Variants in SLC1A2 observed in about 807,000 individuals in gnomAD.
The protein encoded by SLC1A2 is excitatory amino acid transporter 2.
Under a neutral mutation model 48.8 loss-of-function variants are expected in SLC1A2, and 15 were observed. The observed-to-expected ratio is 0.31, with a 90% CI of 0.21 to 0.47. The LOEUF (loss-of-function observed/expected upper bound fraction) is 0.47. Ranked by LOEUF, SLC1A2 falls within the 20% of genes least tolerant of loss-of-function variation. The pLI is 0.99. For synonymous variants in SLC1A2, 279 were observed against 272.6 expected (o/e 1.02, Z -0.23); for missense variants, 502 against 730.5 (o/e 0.69, Z 3.61).
In SLC1A2 at chr11:35,278,836, T is replaced by C. The variant is rs563004831; in HGVS notation, c.1421+2031A>G. Among the ~76,000 whole-genome samples the C allele has an allele frequency of 1.3e-4, 20 of 152,072 alleles. 1 individual carries two copies. The East Asian group carries it at 2.8e-3, about 21-fold the overall frequency. On this transcript the variant is annotated intron_variant, in intron 9 of 10. Transcript: ENST00000278379. The stretch of plus-strand genomic sequence containing the variant: ...GAGTTTGAGACCAGCCTGACCAACA[T>C]AGTGAAACCCTGTCTCTACTAAAAA...
intron 1 of SLC1A2, among the ~76,000 whole-genome samples, chr11:35,359,475 A>G (rs111548731): frequency 3.3e-5 from 5 of 152,342 alleles, no homozygotes; most frequent in African/African-American, 1.2e-4. Flanking sequence ...GACATCAAAA[A>G]CTGTCCTATC....
chr11:35,385,160 G>A (rs1240900000), intron 1 of SLC1A2, among the ~76,000 whole-genome samples: 1 of 152,170 alleles, frequency 6.6e-6, no homozygotes, highest in Non-Finnish European at 1.5e-5. Flanking sequence ...TCCCCTCACT[G>A]CATTCTAAAT....
At chr11:35,294,078 T>C (rs763553518) in intron 6 of SLC1A2, among the ~76,000 whole-genome samples, 3 of 152,198 alleles carry the variant, frequency 2.0e-5, no homozygotes, top group Non-Finnish European at 4.4e-5. Context: ...TCCTTGTAGG[T>C]TCTGTTTTCA....
intron 1 of SLC1A2, among the ~76,000 whole-genome samples, chr11:35,394,218 G>T (rs183227012): frequency 1.3e-5 from 2 of 151,954 alleles, no homozygotes; most frequent in East Asian, 3.9e-4. Context: ...TTGCAGCAAA[G>T]GCCTGAGGTC....
At chr11:35,352,401 T>C (rs1012392896) in intron 1 of SLC1A2, 1 of 152,262 alleles carries the variant, frequency 6.6e-6, no homozygotes, top group Non-Finnish European at 1.5e-5. Flanking sequence ...GAAGGTTTAA[T>C]TACCAAAAGC....
intron 1 of SLC1A2, among the ~76,000 whole-genome samples, chr11:35,412,713 A>T (rs1176202422): frequency 6.6e-6 from 1 of 152,250 alleles, no homozygotes; most frequent in Admixed American, 6.5e-5. Flanking sequence ...CTAAACAGCC[A>T]CACCTGAAGG....
At chr11:35,343,923 A>C (rs1852935789) in intron 1 of SLC1A2, among the ~76,000 whole-genome samples, 1 of 152,032 alleles carries the variant, frequency 6.6e-6, no homozygotes, top group Admixed American at 6.6e-5. Flanking sequence ...TCCCTTGAAA[A>C]CTTCTGCCTA....
At chr11:35,413,414 A>G (rs1186922620) in intron 1 of SLC1A2, among the ~76,000 whole-genome samples, 1 of 152,100 alleles carries the variant, frequency 6.6e-6, no homozygotes, top group Admixed American at 6.5e-5. Context: ...GCTAAGAGTC[A>G]CTCCTGCTGC....
chr11:35,276,201 A>G (rs1850433967), intron 9 of SLC1A2, among the ~76,000 whole-genome samples: 1 of 152,130 alleles, frequency 6.6e-6, no homozygotes, highest in Admixed American at 6.5e-5. Flanking sequence ...CATTTTACAC[A>G]TGATGTAGCT....
At chr11:35,366,014 G>T (rs1853836818) in intron 1 of SLC1A2, among the ~76,000 whole-genome samples, 1 of 152,168 alleles carries the variant, frequency 6.6e-6, no homozygotes, top group African/African-American at 2.4e-5. Context: ...CCACGGCAAA[G>T]AATTAGCCAG....
chr11:35,284,541 T>A (rs1341449447), intron 8 of SLC1A2, among the ~76,000 whole-genome samples: 1 of 116,102 alleles, frequency 8.6e-6, no homozygotes, highest in Admixed American at 8.9e-5. Context: ...CATGTTTTCA[T>A]ATTGTGTGTG....
At chr11:35,289,839 G>A (rs979004477) in intron 7 of SLC1A2, among the ~76,000 whole-genome samples, 42 of 152,306 alleles carry the variant, frequency 2.8e-4, no homozygotes, top group Middle Eastern at 3.4e-3. Flanking sequence ...AATGTCAAGT[G>A]AAGAGGAGGA....
intron 4 of SLC1A2, among the ~76,000 whole-genome samples, chr11:35,310,728 G>A (rs1851660631): frequency 6.6e-6 from 1 of 152,150 alleles, no homozygotes; most frequent in South Asian, 2.1e-4. Flanking sequence ...CGGGGTGTGC[G>A]GGATGTGTTC....
chr11:35,346,626 G>A (rs956074858), intron 1 of SLC1A2, among the ~76,000 whole-genome samples: 2 of 152,232 alleles, frequency 1.3e-5, no homozygotes, highest in Non-Finnish European at 1.5e-5. Context: ...CGTCATATAC[G>A]CCAGGGACTT....
chr11:35,316,469 C>G (rs866356110), intron 2 of SLC1A2: 16 of 152,192 alleles, frequency 1.1e-4, no homozygotes, highest in Admixed American at 5.2e-4. Context: ...TTTGGAAAAC[C>G]TAACCATGCC....
upstream of SLC1A2, among the ~76,000 whole-genome samples, chr11:35,420,301 G>T (rs1469502855): frequency 1.3e-5 from 2 of 151,952 alleles, no homozygotes; most frequent in South Asian, 2.1e-4. Context: ...GAGACAGATG[G>T]GCTTGTGCAA....
chr11:35,336,420 C>T (rs1340755228), intron 1 of SLC1A2, among the ~76,000 whole-genome samples: 1 of 152,122 alleles, frequency 6.6e-6, no homozygotes, highest in East Asian at 1.9e-4. Flanking sequence ...TAATTGTTTG[C>T]TCTTGAATAC....
At chr11:35,312,995 C>T (rs1380746227) in intron 3 of SLC1A2, among the ~76,000 whole-genome samples, 1 of 152,094 alleles carries the variant, frequency 6.6e-6, no homozygotes, top group Admixed American at 6.6e-5. Flanking sequence ...TGGTCTGTAA[C>T]AAATTTTTTG....
At chr11:35,287,896 T>C (rs931789362) in intron 7 of SLC1A2, among the ~76,000 whole-genome samples, 1 of 152,254 alleles carries the variant, frequency 6.6e-6, no homozygotes, top group Non-Finnish European at 1.5e-5. Flanking sequence ...AAGTGCTTCA[T>C]GGTCCATCCT....
Sources: gnomAD v4.1 joint callset for allele counts (sites outside exome capture counted in the v4.1 genomes callset) on GRCh38, gnomAD v4.1.1 for gene constraint, MANE v1.5 for transcripts, NCBI Gene and HGNC (gene_info 2026-07-23, HGNC 2026-07-21) for gene names.